The following DNER variants were observed in gnomAD, a reference collection of about 807,000 sequenced individuals.
The protein encoded by DNER is delta/notch like EGF repeat containing, also known as delta and Notch-like epidermal growth factor-related receptor.
In DNER, 33 loss-of-function variants were observed where a neutral mutation model predicts 78.2. That is an observed-to-expected ratio of 0.42 (90% confidence interval 0.32 to 0.56). The LOEUF (loss-of-function observed/expected upper bound fraction) is 0.56. DNER is among the 20% of genes least tolerant of loss of function. The probability of loss-of-function intolerance (pLI) is 0.11; values close to 1 mark genes in which losing one functional copy is unlikely to be tolerated. For missense variants in DNER, 918 were observed against 975.3 expected (o/e 0.94, Z 0.78); for synonymous variants, 417 against 384.8 (o/e 1.08, Z -0.98).
At chr2:229,457,828 C>T (rs7572143) in intron 7 of DNER, among the ~76,000 whole-genome samples, 110,020 of 149,758 alleles carry the variant, frequency 0.73, 40,758 homozygotes, top group South Asian at 0.83. Flanking sequence ...CCCACTCCAG[C>T]ATAAAGACAC....
rs79681507 is a variant in DNER, at chr2:229,486,472, C to T, written c.1148-9219G>A. ...CTAACAAGTAAATAGACAAGAGGCA[C>T]AGTGGGAAGGACAGTGGCTTGGGGA... On this transcript the variant is annotated intron_variant, in intron 6 of 12. Coordinates refer to ENST00000341772, the MANE Select transcript of DNER (RefSeq NM_139072.4). Among the ~76,000 whole-genome samples the T allele has an allele frequency of 8.4e-3, 1,269 of 151,968 alleles. 15 individuals are homozygous for T. Among genetic ancestry groups the T allele is most frequent in the African/African-American group, 0.029 (1,205 of 41,432 alleles).
chr2:229,629,579 G>A (rs1429447238), intron 1 of DNER, among the ~76,000 whole-genome samples: 1 of 152,192 alleles, frequency 6.6e-6, no homozygotes, highest in African/African-American at 2.4e-5. Flanking sequence ...GGAGTCAAGT[G>A]TCTCAGACAG....
chr2:229,503,697 A>G (rs1450118519), intron 6 of DNER, among the ~76,000 whole-genome samples: 2 of 152,172 alleles, frequency 1.3e-5, no homozygotes, highest in Non-Finnish European at 2.9e-5. Context: ...ATAGGATTCT[A>G]GTAATGTGGG....
At chr2:229,364,844 C>CTTTTTTTTTTTTTTTTTTTT (rs34346714) in intron 12 of DNER, among the ~76,000 whole-genome samples, 1 of 75,478 alleles carries the variant, frequency 1.3e-5, no homozygotes, top group Non-Finnish European at 2.4e-5. Flanking sequence ...CTCTCTCTCT[C>CTTTTTTTTTTTTTTTTTTTT]TTTTTTTTTT....
chr2:229,464,557 G>C (rs373611586), intron 7 of DNER, among the ~76,000 whole-genome samples: 1 of 152,118 alleles, frequency 6.6e-6, no homozygotes, highest in African/African-American at 2.4e-5. Context: ...AGATTTAAAG[G>C]TTTGGTCAGA....
Position 229,714,371 on chromosome 2 carries a change from GC to G in DNER, c.52del (p.Ala18ProfsTer156). 1.6e-6 allele frequency: 2 copies of G among 1,218,068 alleles called. No homozygotes were observed. Among genetic ancestry groups the G allele is most frequent in the Non-Finnish European group, 1.0e-6 (1 of 982,148 alleles). The allele number at this position is 1,218,068 out of a possible 1,614,324, so 75.5% of individuals were successfully genotyped here. On this transcript the variant is annotated frameshift_variant, in exon 1 of 13. Transcript: ENST00000341772. LOFTEE classifies it high-confidence loss of function. ...APGAQLLPAL[A>X]LLLLLLGAGP... ...CGCTCCGAGCAGCAGCAGCAGCAGG[GC>G]CAGCGCGGGCAGCAGCTGCGCACCG...
intron 7 of DNER, among the ~76,000 whole-genome samples, chr2:229,472,620 A>G (rs1230074587): frequency 6.6e-6 from 1 of 152,236 alleles, no homozygotes; most frequent in Non-Finnish European, 1.5e-5. Flanking sequence ...ATTAAAATGC[A>G]TTTAGTTTAA....
At chr2:229,360,441 C>A (rs967026332) in intron 12 of DNER, among the ~76,000 whole-genome samples, 5 of 152,108 alleles carry the variant, frequency 3.3e-5, no homozygotes, top group Non-Finnish European at 1.5e-5. Flanking sequence ...GACAGAGTCT[C>A]GCACTGTTGC....
chr2:229,371,857 A>G (rs1692490634), intron 11 of DNER, among the ~76,000 whole-genome samples: 1 of 152,232 alleles, frequency 6.6e-6, no homozygotes, highest in African/African-American at 2.4e-5. Context: ...TACCTATGTT[A>G]TTTTTAAAAA....
chr2:229,544,042 A>ACACT (rs200852012), intron 5 of DNER, among the ~76,000 whole-genome samples: 5 of 147,420 alleles, frequency 3.4e-5, no homozygotes, highest in African/African-American at 1.4e-4. Context: ...ACATTTTCCT[A>ACACT]TACTTAATTC....
chr2:229,458,735 A>G (rs564730334), intron 7 of DNER, among the ~76,000 whole-genome samples: 24 of 151,946 alleles, frequency 1.6e-4, no homozygotes, highest in Non-Finnish European at 2.9e-4. Context: ...GTCTACCCTC[A>G]GCATTTACAT....
intron 6 of DNER, among the ~76,000 whole-genome samples, chr2:229,486,737 T>C (rs1316276962): frequency 6.6e-6 from 1 of 152,218 alleles, no homozygotes; most frequent in African/African-American, 2.4e-5. Context: ...TGCAAAGCAA[T>C]ATGCCAATAT....
chr2:229,621,745 CT>C (rs1698254696), intron 1 of DNER, among the ~76,000 whole-genome samples: 1 of 152,276 alleles, frequency 6.6e-6, no homozygotes, highest in East Asian at 1.9e-4. Flanking sequence ...TTACTTGGGC[CT>C]TTTGAGCTCA....
intron 4 of DNER, among the ~76,000 whole-genome samples, chr2:229,583,790 A>G (rs564802639): frequency 5.3e-4 from 81 of 152,348 alleles, no homozygotes; most frequent in African/African-American, 1.8e-3. Context: ...TGAAATTCAG[A>G]TTTGATTCTT....
chr2:229,592,150 T>A (rs1697621426), intron 1 of DNER, among the ~76,000 whole-genome samples: 1 of 152,142 alleles, frequency 6.6e-6, no homozygotes, highest in Non-Finnish European at 1.5e-5. Context: ...CACCCAATAA[T>A]GTCGATTTCA....
At chr2:229,405,053 A>G (rs1434850867) in intron 10 of DNER, among the ~76,000 whole-genome samples, 2 of 152,234 alleles carry the variant, frequency 1.3e-5, no homozygotes, top group Non-Finnish European at 2.9e-5. Flanking sequence ...ATAAAGGGCT[A>G]TTTCAAATAA....
intron 4 of DNER, among the ~76,000 whole-genome samples, chr2:229,550,915 A>T (rs1196127576): frequency 6.6e-6 from 1 of 152,210 alleles, no homozygotes; most frequent in African/African-American, 2.4e-5. Flanking sequence ...ACTTGAGAAC[A>T]TGCTGCTTCT....
intron 4 of DNER, 147 bp from the exon 5 acceptor site, chr2:229,547,239 A>G: frequency 8.7e-7 from 1 of 1,146,528 alleles, no homozygotes. Context: ...CAGTGAGGCA[A>G]GGGAATAAAG....
intron 4 of DNER, among the ~76,000 whole-genome samples, chr2:229,575,912 G>A (rs553584582): frequency 1.3e-5 from 2 of 152,292 alleles, no homozygotes; most frequent in South Asian, 4.1e-4. Context: ...ATATTAATAT[G>A]AGGTCTCAAT....
Sources: gnomAD v4.1 joint callset for allele counts (sites outside exome capture counted in the v4.1 genomes callset) on GRCh38, gnomAD v4.1.1 for gene constraint, MANE v1.5 for transcripts, NCBI Gene and HGNC (gene_info 2026-07-23, HGNC 2026-07-21) for gene names.